The following RBFOX1 variants were observed in gnomAD, a reference collection of about 807,000 sequenced individuals.
RBFOX1 encodes the protein RNA binding fox-1 homolog 1, also known as RNA binding protein fox-1 homolog 1.
RBFOX1 carries 8 observed loss-of-function variants against 57.7 expected under a neutral mutation model. The observed-to-expected ratio is 0.14, with a 90% CI of 0.08 to 0.25. The LOEUF is 0.25. Among genes scored for constraint, RBFOX1 ranks in the 10% least tolerant of loss-of-function variants. RBFOX1 has a pLI of 1.00. For synonymous variants in RBFOX1, 326 were observed against 222.4 expected (o/e 1.47, Z -4.15); for missense variants, 611 against 548.5 (o/e 1.11, Z -1.14).
intron 2 of RBFOX1, among the ~76,000 whole-genome samples, chr16:6,607,647 T>A (rs539209352): frequency 1.3e-5 from 2 of 152,120 alleles, no homozygotes; most frequent in Admixed American, 6.6e-5. Flanking sequence ...CTCCTCTCTC[T>A]TTCTGTCTTC....
chr16:5,992,332 G>T (rs1423758821), intron 4 of RBFOX1, among the ~76,000 whole-genome samples: 1 of 152,188 alleles, frequency 6.6e-6, no homozygotes, highest in African/African-American at 2.4e-5. Flanking sequence ...AGGCAACTCT[G>T]TTCAGCAAAA....
intron 3 of RBFOX1, among the ~76,000 whole-genome samples, chr16:5,676,851 G>C (rs971945982): frequency 1.3e-5 from 2 of 150,356 alleles, no homozygotes; most frequent in East Asian, 4.0e-4. Flanking sequence ...AACAGAGCAA[G>C]ACTCCACCTC....
At chr16:5,531,331 T>C (rs1232544015) in intron 2 of RBFOX1, among the ~76,000 whole-genome samples, 1 of 152,084 alleles carries the variant, frequency 6.6e-6, no homozygotes, top group Admixed American at 6.5e-5. Context: ...CTGGGAAATT[T>C]AGGCTGGGGT....
At chr16:7,547,107 G>A (rs576244984) in intron 5 of RBFOX1, among the ~76,000 whole-genome samples, 3 of 152,130 alleles carry the variant, frequency 2.0e-5, no homozygotes, top group African/African-American at 7.2e-5. Context: ...CCTGAAGAAA[G>A]GAGTGATAAT....
chr16:6,204,161 A>T (rs2152835328), intron 1 of RBFOX1, among the ~76,000 whole-genome samples: 1 of 152,166 alleles, frequency 6.6e-6, no homozygotes, highest in South Asian at 2.1e-4. Context: ...TCAACTTTGG[A>T]ATCTTCCCTT....
At chr16:6,048,462 C>A (rs371622329) in intron 1 of RBFOX1, among the ~76,000 whole-genome samples, 2 of 152,102 alleles carry the variant, frequency 1.3e-5, no homozygotes, top group Non-Finnish European at 2.9e-5. Context: ...TTAATGTTCC[C>A]GGTAATAATA....
At chr16:6,773,203 G>T (rs1182652690) in intron 3 of RBFOX1, among the ~76,000 whole-genome samples, 1 of 139,372 alleles carries the variant, frequency 7.2e-6, no homozygotes, top group Non-Finnish European at 1.5e-5. Context: ...GGGTGCATTT[G>T]TGTGTGAGTG....
rs183076629 is a variant in RBFOX1 at position 6,426,646 on chromosome 16, C to G, written c.-64+109589C>G. Among the ~76,000 whole-genome samples the G allele has an allele frequency of 3.6e-3, 554 of 152,220 alleles. 3 individuals carry two copies. Among genetic ancestry groups the G allele is most frequent in the African/African-American group, 0.013 (532 of 41,544 alleles). On this transcript the variant is annotated intron_variant, in intron 2 of 15. Coordinates refer to ENST00000550418, the MANE Select transcript of RBFOX1 (RefSeq NM_018723.4). ...ACCTTGTCTCAAAAATCAAAACAAA[C>G]CTACTCCTTCTCACAGGCACACCTC...
Position 6,734,381 on chromosome 16 carries a change from G to A in RBFOX1, c.-16+79731G>A, listed in dbSNP as rs528720531. On this transcript the variant is annotated intron_variant, in intron 3 of 15. Transcript: ENST00000550418. Reference sequence around the variant, plus strand: ...AGATTGCTAATCATTGATCGTAACAGCTCTAATTTACTGAACACTGACAAT... The same window carrying A: ...AGATTGCTAATCATTGATCGTAACAACTCTAATTTACTGAACACTGACAAT... Among the ~76,000 whole-genome samples the A allele has an allele frequency of 1.3e-4, 20 of 152,274 alleles. No homozygotes were observed. In the South Asian group the frequency reaches 4.1e-3, roughly 32 times the overall value.
At chr16:6,673,548 G>C (rs567354814) in intron 3 of RBFOX1, among the ~76,000 whole-genome samples, 35 of 152,292 alleles carry the variant, frequency 2.3e-4, no homozygotes, top group African/African-American at 8.4e-4. Flanking sequence ...AGGTTGTAGT[G>C]AGCCTACATT....
intron 2 of RBFOX1, among the ~76,000 whole-genome samples, chr16:6,368,210 G>GA (rs897200545): frequency 2.6e-5 from 4 of 152,116 alleles, no homozygotes; most frequent in African/African-American, 4.8e-5. Context: ...TACCCTGAAT[G>GA]AAAAATATTG....
intron 1 of RBFOX1, among the ~76,000 whole-genome samples, chr16:6,106,961 A>G (rs866610334): frequency 2.0e-5 from 3 of 152,086 alleles, no homozygotes; most frequent in African/African-American, 7.2e-5. Context: ...GTGAGCCACC[A>G]TGCCTGGCCA....
intron 4 of RBFOX1, among the ~76,000 whole-genome samples, chr16:5,873,321 T>G (rs766102396): frequency 1.3e-5 from 2 of 152,190 alleles, no homozygotes; most frequent in African/African-American, 4.8e-5. Context: ...TTAATTCACA[T>G]TGGAGTTAAT....
At chr16:6,186,032 T>A (rs2097103012) in intron 1 of RBFOX1, among the ~76,000 whole-genome samples, 2 of 152,066 alleles carry the variant, frequency 1.3e-5, no homozygotes. Context: ...TCTCCTTGGA[T>A]GTGTGTTTCT....
intron 3 of RBFOX1, among the ~76,000 whole-genome samples, chr16:7,032,064 G>A (rs1045963801): frequency 2.0e-5 from 3 of 152,112 alleles, no homozygotes; most frequent in African/African-American, 7.2e-5. Context: ...CTTGGAAGCT[G>A]CCAGCAACTT....
At chr16:5,267,296 G>A (rs2062883544) in intron 1 of RBFOX1, among the ~76,000 whole-genome samples, 1 of 79,664 alleles carries the variant, frequency 1.3e-5, no homozygotes, top group African/African-American at 7.3e-5. Flanking sequence ...CACACATAAG[G>A]GTTTTTTTTT....
intron 5 of RBFOX1, among the ~76,000 whole-genome samples, chr16:7,575,821 CT>C (rs2093282266): frequency 6.6e-6 from 1 of 152,176 alleles, no homozygotes; most frequent in Non-Finnish European, 1.5e-5. Flanking sequence ...CAGTGGAGGG[CT>C]TTGTGATGAT....
rs117332112 is a variant in RBFOX1 at position 6,502,787 on chromosome 16, A to G, written c.-63-151816A>G. On this transcript the variant is annotated intron_variant, in intron 2 of 15. Coordinates refer to ENST00000550418, the MANE Select transcript of RBFOX1 (RefSeq NM_018723.4). Reference sequence around the variant, plus strand: ...ATGATTATCAGCATCCTTTTTAGACATGGATGTAAGATACTTCTTTCTTGG... The same window carrying G: ...ATGATTATCAGCATCCTTTTTAGACGTGGATGTAAGATACTTCTTTCTTGG... 7.4e-3 allele frequency among the ~76,000 whole-genome samples: 1,121 copies of G among 152,144 alleles called. 23 individuals are homozygous for G. The highest frequency in any genetic ancestry group is 0.038 in the Admixed American group (576 of 15,270).
intron 3 of RBFOX1, among the ~76,000 whole-genome samples, chr16:6,897,298 G>C (rs1362643468): frequency 1.3e-5 from 2 of 152,160 alleles, no homozygotes; most frequent in South Asian, 2.1e-4. Context: ...AGCTACTCAG[G>C]AGGCTGAGGA....
Sources: allele counts gnomAD v4.1 joint callset (sites outside exome capture counted in the v4.1 genomes callset), GRCh38; gene constraint gnomAD v4.1.1; transcripts MANE v1.5; gene names NCBI Gene and HGNC (gene_info 2026-07-23, HGNC 2026-07-21).